Variants in ITPK1 observed in about 807,000 individuals in gnomAD.
ITPK1 encodes the protein inositol-tetrakisphosphate 1-kinase.
A neutral mutation model predicts 45.3 loss-of-function variants in ITPK1; 21 were observed. The ratio of observed to expected loss-of-function variants is 0.46; its 90% CI spans 0.33 to 0.67. The LOEUF (loss-of-function observed/expected upper bound fraction) is 0.67. Among genes scored for constraint, ITPK1 ranks in the 30% least tolerant of loss-of-function variants. The probability of loss-of-function intolerance (pLI) is 0.02; values close to 1 mark genes in which losing one functional copy is unlikely to be tolerated. For synonymous variants in ITPK1, 258 were observed against 253.6 expected (o/e 1.02, Z -0.16); for missense variants, 474 against 573.5 (o/e 0.83, Z 1.77).
At chr14:92,962,110 G>A (rs1013162747) in intron 7 of ITPK1, among the ~76,000 whole-genome samples, 1 of 152,204 alleles carries the variant, frequency 6.6e-6, no homozygotes, top group Non-Finnish European at 1.5e-5. Flanking sequence ...TGGGTCCCCA[G>A]CACATCCTCC....
At chr14:93,066,499 C>T (rs533020555) in intron 3 of ITPK1, 16 of 319,306 alleles carry the variant, frequency 5.0e-5, no homozygotes, top group Admixed American at 2.8e-4. Flanking sequence ...CCGCCTCCCG[C>T]GTTCGCGCCA....
At chr14:93,111,973 G>A (rs1291265460) in intron 2 of ITPK1, among the ~76,000 whole-genome samples, 7 of 152,044 alleles carry the variant, frequency 4.6e-5, no homozygotes, top group South Asian at 4.1e-4. Flanking sequence ...CCCTACCTAC[G>A]GCAGGTGGGG....
chr14:93,107,159 T>C (rs111533597), intron 2 of ITPK1, among the ~76,000 whole-genome samples: 3 of 152,278 alleles, frequency 2.0e-5, no homozygotes, highest in Non-Finnish European at 2.9e-5. Flanking sequence ...GTATTCACCA[T>C]GTTGCCCAGG....
At chr14:93,083,135 A>C (rs1891507298) in intron 2 of ITPK1, among the ~76,000 whole-genome samples, 1 of 152,164 alleles carries the variant, frequency 6.6e-6, no homozygotes, top group African/African-American at 2.4e-5. Flanking sequence ...AGTGATGAGG[A>C]GCAGAGACAC....
At chr14:93,013,137 G>A (rs1887999506) in intron 4 of ITPK1, among the ~76,000 whole-genome samples, 1 of 152,224 alleles carries the variant, frequency 6.6e-6, no homozygotes, top group Admixed American at 6.5e-5. Context: ...GCCCCTGCCT[G>A]GTTCTGCACA....
chr14:93,053,993 G>A (rs1394307488), intron 3 of ITPK1, among the ~76,000 whole-genome samples: 1 of 152,154 alleles, frequency 6.6e-6, no homozygotes, highest in Non-Finnish European at 1.5e-5. Flanking sequence ...GGAGAGATGG[G>A]GTCGGGGAAG....
chr14:92,982,098 G>A (rs1215282416), intron 5 of ITPK1, among the ~76,000 whole-genome samples: 2 of 152,234 alleles, frequency 1.3e-5, no homozygotes, highest in Non-Finnish European at 2.9e-5. Context: ...CAGGTGACAG[G>A]GCCTGGAGAG....
intron 2 of ITPK1, among the ~76,000 whole-genome samples, chr14:93,077,602 G>C (rs747880694): frequency 6.6e-6 from 1 of 152,240 alleles, no homozygotes; most frequent in Non-Finnish European, 1.5e-5. Flanking sequence ...ACAGGCGCGA[G>C]CCACCACGTC....
chr14:92,941,605 G>A lies in ITPK1; in HGVS notation c.1201C>T (p.Gln401Ter). The change falls in exon 11 of 11, where the codon CAG becomes TAG. Residue 401 changes from glutamine to a stop codon, truncating the protein, a stop_gained. Transcript: ENST00000267615. LOFTEE classifies it high-confidence loss of function. ...CNAGVSPSFQ[Q>*]HCVASLATKA... Reference sequence around the variant, plus strand: ...GTGGCCAGGGAGGCCACACAATGCTGCTGGAAGCTGGGCGACACGCCGGCG... The same window carrying A: ...GTGGCCAGGGAGGCCACACAATGCTACTGGAAGCTGGGCGACACGCCGGCG... 1.3e-6 allele frequency: 2 copies of A among 1,538,022 alleles called. No individual in the cohort carries two copies. The highest frequency in any genetic ancestry group is 1.7e-6 in the Non-Finnish European group (2 of 1,144,686).
intron 5 of ITPK1, among the ~76,000 whole-genome samples, chr14:92,980,205 A>T (rs1886154301): frequency 6.6e-6 from 1 of 152,236 alleles, no homozygotes; most frequent in African/African-American, 2.4e-5. Flanking sequence ...TTAAAATACA[A>T]GGCTGGATCT....
intron 2 of ITPK1, among the ~76,000 whole-genome samples, chr14:93,095,650 T>A (rs1892047988): frequency 6.6e-6 from 1 of 151,430 alleles, no homozygotes; most frequent in Non-Finnish European, 1.5e-5. Flanking sequence ...GTTACAAGTA[T>A]AATGTGTGAC....
intron 5 of ITPK1, among the ~76,000 whole-genome samples, chr14:92,984,451 T>C (rs1350840739): frequency 6.6e-6 from 1 of 152,254 alleles, no homozygotes; most frequent in Non-Finnish European, 1.5e-5. Flanking sequence ...GAAATTGAGA[T>C]GTGTCTCATA....
rs112331322 is a variant in ITPK1 at position 93,045,513 on chromosome 14, T to C, written c.121-28712A>G. On this transcript the variant is annotated intron_variant, in intron 3 of 10. Coordinates refer to ENST00000267615, the MANE Select transcript of ITPK1 (RefSeq NM_014216.6). ...GTACTGACAGCACTTAAAAACCAAT[T>C]AGATGGCACGTGCCTGTAGTCCCAG... Among the ~76,000 whole-genome samples, 57 of 152,046 alleles carry C rather than the reference T, an allele frequency of 3.7e-4. 1 individual carries two copies. The highest frequency in any genetic ancestry group is 1.3e-3 in the African/African-American group (54 of 41,462).
chr14:93,093,965 C>T (rs964114126), intron 2 of ITPK1, among the ~76,000 whole-genome samples: 2 of 152,250 alleles, frequency 1.3e-5, no homozygotes, highest in South Asian at 4.1e-4. Context: ...GGATCCTCAC[C>T]CCGATTGCCA....
chr14:93,010,429 G>A (rs965490450), intron 4 of ITPK1, among the ~76,000 whole-genome samples: 4 of 152,200 alleles, frequency 2.6e-5, no homozygotes, highest in South Asian at 2.1e-4. Flanking sequence ...GGAGGCAGAC[G>A]CAACAGCTCT....
chr14:93,048,743 G>T (rs1226303069), intron 3 of ITPK1, among the ~76,000 whole-genome samples: 1 of 152,204 alleles, frequency 6.6e-6, no homozygotes, highest in Non-Finnish European at 1.5e-5. Context: ...AAGCTCAGGA[G>T]TTCGAGACCA....
intron 8 of ITPK1, among the ~76,000 whole-genome samples, chr14:92,957,084 G>A (rs1884774753): frequency 6.6e-6 from 1 of 152,240 alleles, no homozygotes; most frequent in African/African-American, 2.4e-5. Flanking sequence ...GGCTGAGAGG[G>A]CAACCGCAGC....
chr14:93,074,888 CCT>C lies in ITPK1; in HGVS notation c.120+1705_120+1706del, dbSNP rs533547357. Among the ~76,000 whole-genome samples, 378 of 152,220 alleles carry C rather than the reference CCT, an allele frequency of 2.5e-3. 2 individuals are homozygous for C. Among genetic ancestry groups the C allele is most frequent in the Non-Finnish European group, 3.5e-3 (238 of 68,016 alleles). Reference sequence around the variant, plus strand: ...CCCTGGCAGGCACTACAGATCAACCCCTGTTCCCACCCACTCACAGATTTAGG... The same window carrying C: ...CCCTGGCAGGCACTACAGATCAACCCGTTCCCACCCACTCACAGATTTAGG... On this transcript the variant is annotated intron_variant, in intron 3 of 10. Coordinates refer to ENST00000267615, the MANE Select transcript of ITPK1 (RefSeq NM_014216.6).
intron 5 of ITPK1, among the ~76,000 whole-genome samples, chr14:92,985,608 C>A (rs1292477523): frequency 6.6e-6 from 1 of 151,716 alleles, no homozygotes; most frequent in Non-Finnish European, 1.5e-5. Context: ...GGAAATAAAC[C>A]CAGGTACACA....
Sources: allele counts gnomAD v4.1 joint callset (sites outside exome capture counted in the v4.1 genomes callset), GRCh38; gene constraint gnomAD v4.1.1; transcripts MANE v1.5; gene names NCBI Gene and HGNC (gene_info 2026-07-23, HGNC 2026-07-21).